KCNH8: variants seen among roughly 807,000 people sequenced by gnomAD.
The protein encoded by KCNH8 is voltage-gated delayed rectifier potassium channel KCNH8.
A neutral mutation model predicts 103.6 loss-of-function variants in KCNH8; 70 were observed. That is an observed-to-expected ratio of 0.68 (90% CI 0.56 to 0.82). The LOEUF (loss-of-function observed/expected upper bound fraction) is 0.82. KCNH8 is among the 40% of genes least tolerant of loss of function. KCNH8 has a pLI of 0.00. For synonymous variants in KCNH8, 498 were observed against 489.4 expected, an observed-to-expected ratio of 1.02 and a Z score of -0.23; for missense variants, 1,217 against 1,329.9, an observed-to-expected ratio of 0.92 and a Z score of 1.32.
intron 7 of KCNH8, among the ~76,000 whole-genome samples, chr3:19,424,463 A>T (rs2066997057): frequency 6.6e-6 from 1 of 152,216 alleles, no homozygotes. Context: ...AATCAACTCA[A>T]GATGGATCAA....
At chr3:19,314,613 C>T (rs888315125) in intron 3 of KCNH8, among the ~76,000 whole-genome samples, 1 of 151,890 alleles carries the variant, frequency 6.6e-6, no homozygotes, top group Non-Finnish European at 1.5e-5. Context: ...AAAAACCCCA[C>T]AGTACTTAAC....
chr3:19,489,028 G>A (rs1463865801), intron 11 of KCNH8, among the ~76,000 whole-genome samples: 1 of 152,174 alleles, frequency 6.6e-6, no homozygotes, highest in Non-Finnish European at 1.5e-5. Flanking sequence ...TCCACCATGT[G>A]TCCATCCTCA....
Position 19,438,158 on chromosome 3 carries a change from T to C in KCNH8, c.1178-6T>C. 1.2e-6 allele frequency: 2 copies of C among 1,612,862 alleles called. No homozygotes were observed. The highest frequency in any genetic ancestry group is 1.7e-6 in the Non-Finnish European group (2 of 1,178,892). On this transcript the variant is annotated splice_region_variant and splice_polypyrimidine_tract_variant and intron_variant, in intron 7 of 15. Transcript: ENST00000328405. ...TCTCTCATTTGCTTTATTTCCTCCT[T>C]TGCAGGTTGGCTTCATGAGTTGGGA... is the stretch of plus-strand genomic sequence containing the variant.
chr3:19,511,601 G>A (rs538289658), intron 12 of KCNH8, among the ~76,000 whole-genome samples: 22 of 152,074 alleles, frequency 1.4e-4, no homozygotes, highest in Admixed American at 3.9e-4. Context: ...CTGTAATTCC[G>A]TGTAGGCCCA....
Position 19,451,071 on chromosome 3 carries a change from A to G in KCNH8, c.1576-84A>G, listed in dbSNP as rs559208260. On this transcript the variant is annotated intron_variant, in intron 9 of 15. Transcript: ENST00000328405. ...TGGCCAAACAGCAGGAGACAGTAGG[A>G]AGAGCATCCCTGCTGTCTTGCAAAG... The G allele has an allele frequency of 1.6e-3, 2,055 of 1,305,930 alleles. 4 individuals are homozygous for G. Among genetic ancestry groups the G allele is most frequent in the Non-Finnish European group, 1.9e-3 (1,748 of 918,184 alleles). 80.9% of individuals were successfully genotyped at this position (1,305,930 alleles called of 1,614,324 possible).
chr3:19,195,732 C>T (rs1209593523), intron 1 of KCNH8, among the ~76,000 whole-genome samples: 1 of 151,950 alleles, frequency 6.6e-6, no homozygotes, highest in Non-Finnish European at 1.5e-5. Context: ...ATGTTTCAAC[C>T]TGGAACTGAT....
intron 1 of KCNH8, among the ~76,000 whole-genome samples, chr3:19,171,792 T>C (rs923938600): frequency 6.6e-6 from 1 of 152,212 alleles, no homozygotes; most frequent in African/African-American, 2.4e-5. Context: ...GGGTTGACGA[T>C]ATAAAGTGAG....
At chr3:19,414,861 AG>A (rs2066838931) in intron 7 of KCNH8, among the ~76,000 whole-genome samples, 1 of 152,010 alleles carries the variant, frequency 6.6e-6, no homozygotes, top group Non-Finnish European at 1.5e-5. Flanking sequence ...CTTTAAAATT[AG>A]CAAATATCTT....
chr3:19,467,807 T>C lies in KCNH8; in HGVS notation c.2040+10825T>C, dbSNP rs373674093. 2.9e-4 allele frequency among the ~76,000 whole-genome samples: 44 copies of C among 152,300 alleles called. 1 individual carries two copies. The East Asian group carries it at 7.9e-3, about 27-fold the overall frequency. ...TGGGCTGGTAGTAACATCCAGACTTTTTATCATAACTTTCAAGGTTCTAAG... is the reference window on the plus strand; with the variant it reads ...TGGGCTGGTAGTAACATCCAGACTTCTTATCATAACTTTCAAGGTTCTAAG... On this transcript the variant is annotated intron_variant, in intron 11 of 15. Transcript: ENST00000328405.
chr3:19,467,971 A>C (rs2067777754), intron 11 of KCNH8, among the ~76,000 whole-genome samples: 2 of 147,788 alleles, frequency 1.4e-5, no homozygotes, highest in Non-Finnish European at 1.5e-5. Context: ...CCTCCTCCCC[A>C]CCTCTGCTGC....
At chr3:19,298,838 C>T (rs1216422540) in intron 3 of KCNH8, among the ~76,000 whole-genome samples, 1 of 146,324 alleles carries the variant, frequency 6.8e-6, no homozygotes, top group African/African-American at 2.5e-5. Flanking sequence ...AGGGGAATGG[C>T]GTGAACCCGG....
chr3:19,529,767 CCTTA>C (rs1434537470), intron 15 of KCNH8, among the ~76,000 whole-genome samples: 3 of 152,068 alleles, frequency 2.0e-5, no homozygotes, highest in Non-Finnish European at 4.4e-5. Flanking sequence ...AAGAGAGATC[CCTTA>C]CTTAACACAA....
chr3:19,494,505 C>T (rs894783003), intron 11 of KCNH8, among the ~76,000 whole-genome samples: 2 of 152,190 alleles, frequency 1.3e-5, no homozygotes, highest in Admixed American at 6.5e-5. Flanking sequence ...CCATGTGGAA[C>T]TGTAGGTCCA....
intron 1 of KCNH8, among the ~76,000 whole-genome samples, chr3:19,240,231 T>C (rs538641909): frequency 1.3e-5 from 2 of 152,320 alleles, no homozygotes; most frequent in Middle Eastern, 3.4e-3. Context: ...ATTCAGACTT[T>C]ATTTTTGCTC....
chr3:19,471,693 C>T (rs779378025), intron 11 of KCNH8, among the ~76,000 whole-genome samples: 1 of 152,164 alleles, frequency 6.6e-6, no homozygotes, highest in African/African-American at 2.4e-5. Flanking sequence ...GGTCCAGAAT[C>T]CTTTAGCAAG....
intron 1 of KCNH8, among the ~76,000 whole-genome samples, chr3:19,171,256 A>G (rs2063345847): frequency 1.3e-5 from 2 of 152,218 alleles, no homozygotes; most frequent in Admixed American, 6.5e-5. Context: ...AATTAATCAT[A>G]TAAATAAACA....
intron 15 of KCNH8, among the ~76,000 whole-genome samples, chr3:19,520,322 A>C (rs1474420441): frequency 6.6e-6 from 1 of 151,960 alleles, no homozygotes; most frequent in East Asian, 1.9e-4. Flanking sequence ...TCTTTCCCAA[A>C]GAATTAGGTT....
chr3:19,225,500 A>T (rs1055716088), intron 1 of KCNH8, among the ~76,000 whole-genome samples: 3 of 152,126 alleles, frequency 2.0e-5, no homozygotes, highest in East Asian at 1.9e-4. Flanking sequence ...CCTAGTTGTC[A>T]TTGTTTTTTA....
chr3:19,222,141 G>T (rs183438450), intron 1 of KCNH8, among the ~76,000 whole-genome samples: 14 of 152,238 alleles, frequency 9.2e-5, no homozygotes, highest in Non-Finnish European at 1.9e-4. Context: ...GAGCCACTGC[G>T]CCCGGCCTAG....
Sources: gnomAD v4.1 joint callset for allele counts (sites outside exome capture counted in the v4.1 genomes callset) on GRCh38, gnomAD v4.1.1 for gene constraint, MANE v1.5 for transcripts, NCBI Gene and HGNC (gene_info 2026-07-23, HGNC 2026-07-21) for gene names.